The following OPN5 variants were observed in gnomAD, a reference collection of about 807,000 sequenced individuals.
OPN5 encodes opsin-5.
A neutral mutation model predicts 41.7 loss-of-function variants in OPN5; 18 were observed. The observed-to-expected ratio is 0.43, with a 90% confidence interval of 0.30 to 0.64. The LOEUF (loss-of-function observed/expected upper bound fraction) is 0.64, where lower values mean the gene tolerates loss of function less well. OPN5 is among the 30% of genes least tolerant of loss of function. The probability of loss-of-function intolerance (pLI) is 0.13; values close to 1 mark genes in which losing one functional copy is unlikely to be tolerated. For synonymous variants in OPN5, 178 were observed against 164.3 expected (o/e 1.08, Z -0.64); for missense variants, 318 against 434.5 (o/e 0.73, Z 2.38).
chr6:47,791,706 T>C (rs1773378626), intron 2 of OPN5, 96 bp from the exon 3 acceptor site: 1 of 924,224 alleles, frequency 1.1e-6, no homozygotes, highest in Non-Finnish European at 1.7e-6. Context: ...TTCACATGTG[T>C]CCCCGTGCTT....
At chr6:47,798,469 C>T (rs1055234373) in intron 4 of OPN5, among the ~76,000 whole-genome samples, 1 of 151,454 alleles carries the variant, frequency 6.6e-6, no homozygotes, top group African/African-American at 2.4e-5. Flanking sequence ...TCACTCTAGA[C>T]CAGATTAACC....
chr6:47,810,869 A>G (rs1211065418), intron 5 of OPN5, among the ~76,000 whole-genome samples: 1 of 152,140 alleles, frequency 6.6e-6, no homozygotes, highest in African/African-American at 2.4e-5. Context: ...TGGCTGTGTA[A>G]TGGAGACACC....
At chr6:47,801,941 A>G (rs1581742598) in intron 4 of OPN5, among the ~76,000 whole-genome samples, 1 of 152,180 alleles carries the variant, frequency 6.6e-6, no homozygotes, top group African/African-American at 2.4e-5. Context: ...AAAAGTTTTA[A>G]ACTAGGAGTC....
At chr6:47,822,415 A>G (rs1284026397) in intron 6 of OPN5, among the ~76,000 whole-genome samples, 2 of 152,180 alleles carry the variant, frequency 1.3e-5, no homozygotes, top group Non-Finnish European at 2.9e-5. Flanking sequence ...TTGACATGAG[A>G]TAGAGAATAT....
intron 4 of OPN5, among the ~76,000 whole-genome samples, chr6:47,795,834 G>T (rs192133444): frequency 6.6e-6 from 1 of 150,418 alleles, no homozygotes; most frequent in East Asian, 2.0e-4. Context: ...TACAAAATTT[G>T]TATAACCCAT....
At chr6:47,787,066 A>G (rs1454811465) in intron 2 of OPN5, 2 of 987,304 alleles carry the variant, frequency 2.0e-6, no homozygotes, top group African/African-American at 3.5e-5. Context: ...ACAGTTGAAG[A>G]CAGTTGAAGG....
chr6:47,812,832 C>A (rs114417742), intron 6 of OPN5, among the ~76,000 whole-genome samples: 24 of 152,210 alleles, frequency 1.6e-4, no homozygotes, highest in Admixed American at 2.6e-4. Flanking sequence ...GCAAGAACAG[C>A]GAATAGGGGA....
At chr6:47,801,615 C>T (rs888303326) in intron 4 of OPN5, among the ~76,000 whole-genome samples, 3 of 152,174 alleles carry the variant, frequency 2.0e-5, no homozygotes, top group African/African-American at 7.2e-5. Flanking sequence ...ATGTCACTTC[C>T]CAGAGAAGCA....
intron 5 of OPN5, among the ~76,000 whole-genome samples, chr6:47,809,831 G>A (rs886533329): frequency 6.6e-6 from 1 of 152,202 alleles, no homozygotes; most frequent in Non-Finnish European, 1.5e-5. Flanking sequence ...TGTTATAAAT[G>A]CAGATAGAGA....
In OPN5 at chr6:47,807,515, A is replaced by G. The variant is rs1353589263; in HGVS notation, c.757-639A>G. Among the ~76,000 whole-genome samples the G allele has an allele frequency of 5.9e-5, 9 of 152,192 alleles. No homozygotes were observed. The South Asian group carries it at 1.2e-3, about 21-fold the overall frequency. On this transcript the variant is annotated intron_variant, in intron 4 of 6. Coordinates refer to ENST00000371211, the Ensembl canonical transcript of OPN5. ...TTGGTCTGAAAATAAAGAGGCTCCGAAGGTGATTATAATTTTGTGAGAGTG... is the reference window on the plus strand; with the variant it reads ...TTGGTCTGAAAATAAAGAGGCTCCGGAGGTGATTATAATTTTGTGAGAGTG...
At chr6:47,813,202 G>T (rs1762314268) in intron 6 of OPN5, among the ~76,000 whole-genome samples, 1 of 152,158 alleles carries the variant, frequency 6.6e-6, no homozygotes, top group African/African-American at 2.4e-5. Flanking sequence ...GAGAGGCAAG[G>T]AACTTTTTAG....
chr6:47,788,995 A>G (rs1350804438), intron 2 of OPN5, among the ~76,000 whole-genome samples: 2 of 152,150 alleles, frequency 1.3e-5, no homozygotes, highest in East Asian at 3.9e-4. Context: ...AGTGGAAGAG[A>G]GACATTCTAG....
At chr6:47,823,653 G>T in intron 6 of OPN5, 1 of 451,864 alleles carries the variant, frequency 2.2e-6, no homozygotes, top group East Asian at 3.4e-5. Flanking sequence ...TTACAGGTTA[G>T]TCTTTGGAGT....
At chr6:47,805,135 T>G (rs1773912271) in intron 4 of OPN5, among the ~76,000 whole-genome samples, 1 of 152,230 alleles carries the variant, frequency 6.6e-6, no homozygotes, top group Non-Finnish European at 1.5e-5. Flanking sequence ...AGGCCCTCAC[T>G]GTGAGCCTTG....
At chr6:47,814,795 A>G (rs1239747147) in intron 6 of OPN5, among the ~76,000 whole-genome samples, 1 of 152,080 alleles carries the variant, frequency 6.6e-6, no homozygotes, top group East Asian at 1.9e-4. Flanking sequence ...TATGTCTGGG[A>G]GGGTTATGAG....
chr6:47,800,475 G>C (rs1326734658), intron 4 of OPN5, among the ~76,000 whole-genome samples: 1 of 152,188 alleles, frequency 6.6e-6, no homozygotes. Context: ...AACTTGAAAA[G>C]ATATCTCAAA....
chr6:47,818,592 G>A (rs900961927), intron 6 of OPN5, among the ~76,000 whole-genome samples: 12 of 152,202 alleles, frequency 7.9e-5, no homozygotes, highest in Non-Finnish European at 8.8e-5. Flanking sequence ...ATGGGGCACA[G>A]ATGAGGCTCT....
intron 4 of OPN5, among the ~76,000 whole-genome samples, chr6:47,799,250 A>G (rs1344615753): frequency 6.6e-6 from 1 of 151,816 alleles, no homozygotes; most frequent in African/African-American, 2.4e-5. Flanking sequence ...CATGATATAC[A>G]TGATATACAT....
chr6:47,810,856 C>A (rs894669175), intron 5 of OPN5, among the ~76,000 whole-genome samples: 2 of 152,146 alleles, frequency 1.3e-5, no homozygotes, highest in Non-Finnish European at 2.9e-5. Context: ...CACTGCTCCA[C>A]CCTGGCTGTG....
Sources: allele counts gnomAD v4.1 joint callset (sites outside exome capture counted in the v4.1 genomes callset), GRCh38; gene constraint gnomAD v4.1.1; transcripts MANE v1.5; gene names NCBI Gene and HGNC (gene_info 2026-07-23, HGNC 2026-07-21).